Variants in PDE6D observed in about 807,000 individuals in gnomAD.
The protein encoded by PDE6D is phosphodiesterase 6D, also known as retinal rod rhodopsin-sensitive cGMP 3',5'-cyclic phosphodiesterase subunit delta.
In PDE6D, 10 loss-of-function variants were observed where a neutral mutation model predicts 21.9. That is an observed-to-expected ratio of 0.46 (90% confidence interval 0.28 to 0.78). PDE6D has a LOEUF of 0.78. PDE6D is among the 30% of genes least tolerant of loss of function. PDE6D has a pLI of 0.12. For missense variants in PDE6D, 139 were observed against 184.8 expected, an observed-to-expected ratio of 0.75 and a Z score of 1.44; for synonymous variants, 59 against 63.5, an observed-to-expected ratio of 0.93 and a Z score of 0.34.
chr2:231,752,232 A>G (rs1233347186), intron 1 of PDE6D, among the ~76,000 whole-genome samples: 2 of 134,922 alleles, frequency 1.5e-5, no homozygotes, highest in Non-Finnish European at 3.2e-5. Context: ...CAGAAGGAAA[A>G]GCTGAGAGAG....
Position 231,737,995 on chromosome 2 carries a change from A to G in PDE6D, c.265+18T>C. On this transcript the variant is annotated intron_variant, in intron 3 of 4. Transcript: ENST00000287600. Reference sequence around the variant, plus strand: ...GTCGCCCTAAGCCCTGATTTCAGGCATGTAGGCAGCAGAATACCTTCTAGG... The same window carrying G: ...GTCGCCCTAAGCCCTGATTTCAGGCGTGTAGGCAGCAGAATACCTTCTAGG... The G allele has an allele frequency of 1.2e-6, 2 of 1,610,686 alleles. No individual in the cohort carries two copies. Among genetic ancestry groups the G allele is most frequent in the South Asian group, 1.1e-5 (1 of 90,522 alleles).
At chr2:231,754,554 T>C (rs2048868551) in intron 1 of PDE6D, among the ~76,000 whole-genome samples, 1 of 149,086 alleles carries the variant, frequency 6.7e-6, no homozygotes. Flanking sequence ...GTATTTTTAG[T>C]AGAGACAGGG....
chr2:231,772,842 C>T (rs112567867), intron 1 of PDE6D, among the ~76,000 whole-genome samples: 49 of 152,326 alleles, frequency 3.2e-4, no homozygotes, highest in African/African-American at 1.1e-3. Flanking sequence ...AAACCATATA[C>T]ACAACCCTGG....
intron 2 of PDE6D, 97 bp from the exon 3 acceptor site, chr2:231,738,235 G>A: frequency 8.6e-7 from 1 of 1,163,552 alleles, no homozygotes; most frequent in Non-Finnish European, 1.2e-6. Flanking sequence ...CTGATTTAGA[G>A]AACACTTTCT....
rs1553557786 is a variant in PDE6D, at chr2:231,750,481, C to CAT, written c.51-11294_51-11293insAT. On this transcript the variant is annotated intron_variant, in intron 1 of 4. Transcript: ENST00000287600. Reference sequence around the variant, plus strand: ...ATATATGTCTATTTCATCCATATCACTTTTTTTTTTTTTTTTTTTTAGACA... The same window carrying CAT: ...ATATATGTCTATTTCATCCATATCACATTTTTTTTTTTTTTTTTTTTTAGACA... Among the ~76,000 whole-genome samples, 581 of 133,552 alleles carry CAT rather than the reference C, an allele frequency of 4.4e-3. 9 individuals are homozygous for CAT. Among genetic ancestry groups the CAT allele is most frequent in the South Asian group, 9.3e-3 (39 of 4,194 alleles). 87.6% of individuals were successfully genotyped at this position (133,552 alleles called of 152,430 possible).
Position 231,772,353 on chromosome 2 carries a change from A to C in PDE6D, c.50+8712T>G, listed in dbSNP as rs573559663. Among the ~76,000 whole-genome samples the C allele has an allele frequency of 7.9e-5, 12 of 152,318 alleles. No homozygotes were observed. In the South Asian group the frequency reaches 2.3e-3, roughly 29 times the overall value. ...GAGACCATCGCCTTCTTTGCCATAA[A>C]CAGTAAGCTTTAGTCCAATCCATTG... On this transcript the variant is annotated intron_variant, in intron 1 of 4. Transcript: ENST00000287600.
At position 231,758,091 on chromosome 2, in the gene PDE6D, GT is replaced by G. The variant is rs573434784; in HGVS notation, c.51-18904del. Among the ~76,000 whole-genome samples, 8 of 152,098 alleles carry G rather than the reference GT, an allele frequency of 5.3e-5. No individual in the cohort carries two copies. The South Asian group carries it at 1.2e-3, about 24-fold the overall frequency. On this transcript the variant is annotated intron_variant, in intron 1 of 4. Transcript: ENST00000287600. ...CTCCCCAATAAATGTAATTGTAAAA[GT>G]TTTTTTTAGTCATTAGCTTTGCCTA...
chr2:231,769,600 GCACACAGA>G (rs2048999729), intron 1 of PDE6D, among the ~76,000 whole-genome samples: 1 of 149,006 alleles, frequency 6.7e-6, no homozygotes, highest in South Asian at 2.1e-4. Context: ...ACACACACAT[GCACACAGA>G]CACACACAAA....
Position 231,737,224 on chromosome 2 carries a change from C to T in PDE6D, c.334G>A (p.Ala112Thr). ...GCTGGCATCATCTGGGACTCGGGTGCTGCCTCTATCAAGGACTGCCAGGTA... is the reference window on the plus strand; with the variant it reads ...GCTGGCATCATCTGGGACTCGGGTGTTGCCTCTATCAAGGACTGCCAGGTA... ...TNTWQSLIEA[A>T]PESQMMPASV... The change falls in exon 4 of 5, where the codon GCA becomes ACA. Residue 112 changes from alanine (A) to threonine (T), a missense_variant. Transcript: ENST00000287600. 1.2e-6 allele frequency: 2 copies of T among 1,611,946 alleles called. No individual in the cohort carries two copies. Among genetic ancestry groups the T allele is most frequent in the Non-Finnish European group, 1.7e-6 (2 of 1,178,058 alleles).
chr2:231,762,946 A>AG (rs1160099195), intron 1 of PDE6D, among the ~76,000 whole-genome samples: 1 of 151,672 alleles, frequency 6.6e-6, no homozygotes, highest in Non-Finnish European at 1.5e-5. Context: ...TAAAAAAAAA[A>AG]GAAAAGAAAA....
At chr2:231,737,498 G>A (rs2106260713) in intron 3 of PDE6D, 2 of 497,634 alleles carry the variant, frequency 4.0e-6, no homozygotes, top group Middle Eastern at 5.3e-4. Flanking sequence ...TGCTTCTCAT[G>A]CTTTGAGGTC....
intron 1 of PDE6D, among the ~76,000 whole-genome samples, chr2:231,772,332 C>T (rs142489463): frequency 1.3e-5 from 2 of 152,290 alleles, no homozygotes; most frequent in East Asian, 1.9e-4. Context: ...TACGGTGAGA[C>T]CATCGCCTTC....
At chr2:231,758,821 T>C (rs921799783) in intron 1 of PDE6D, among the ~76,000 whole-genome samples, 6 of 152,174 alleles carry the variant, frequency 3.9e-5, no homozygotes, top group African/African-American at 7.2e-5. Context: ...ATCTGAGATT[T>C]TGCATTTCTA....
At chr2:231,770,785 T>G (rs1276874255) in intron 1 of PDE6D, among the ~76,000 whole-genome samples, 1 of 152,042 alleles carries the variant, frequency 6.6e-6, no homozygotes, top group Admixed American at 6.6e-5. Flanking sequence ...AAACCCTGTC[T>G]CTACTAAAAA....
intron 4 of PDE6D, among the ~76,000 whole-genome samples, chr2:231,735,589 C>T (rs545179947): frequency 7.9e-5 from 12 of 151,800 alleles, no homozygotes; most frequent in African/African-American, 2.2e-4. Context: ...TGAGCCACTG[C>T]GCCCAGCCTC....
At chr2:231,776,664 C>T (rs930121399) in intron 1 of PDE6D, among the ~76,000 whole-genome samples, 5 of 152,168 alleles carry the variant, frequency 3.3e-5, no homozygotes, top group Non-Finnish European at 7.4e-5. Context: ...GTAAGTTATT[C>T]ATTTTTGTAT....
At chr2:231,754,492 G>A (rs772064359) in intron 1 of PDE6D, among the ~76,000 whole-genome samples, 1 of 150,674 alleles carries the variant, frequency 6.6e-6, no homozygotes, top group Non-Finnish European at 1.5e-5. Flanking sequence ...GAGTAGCTGG[G>A]GTTACAGGCG....
chr2:231,780,499 G>A (rs1398071062), intron 1 of PDE6D, among the ~76,000 whole-genome samples: 2 of 152,274 alleles, frequency 1.3e-5, no homozygotes, highest in South Asian at 4.1e-4. Context: ...GAAGCCACAA[G>A]TTTGGAAGAG....
chr2:231,735,423 C>T (rs943272252), intron 4 of PDE6D, among the ~76,000 whole-genome samples: 4 of 149,964 alleles, frequency 2.7e-5, no homozygotes, highest in Non-Finnish European at 5.9e-5. Context: ...CTCAGCCTCC[C>T]GAGTAGCTGG....
Sources: gnomAD v4.1 joint callset for allele counts (sites outside exome capture counted in the v4.1 genomes callset) on GRCh38, gnomAD v4.1.1 for gene constraint, MANE v1.5 for transcripts, NCBI Gene and HGNC (gene_info 2026-07-23, HGNC 2026-07-21) for gene names.